Variants in SGCD observed in about 807,000 individuals in gnomAD.
SGCD encodes the protein sarcoglycan delta.
A neutral mutation model predicts 36.6 loss-of-function variants in SGCD; 18 were observed. That is an observed-to-expected ratio of 0.49 (90% CI 0.34 to 0.73). SGCD has a LOEUF of 0.73. Ranked by LOEUF, SGCD falls within the 30% of genes least tolerant of loss-of-function variation. SGCD has a pLI of 0.01. For missense variants in SGCD, 387 were observed against 346.7 expected, an observed-to-expected ratio of 1.12 and a Z score of -0.92; for synonymous variants, 133 against 130.6, an observed-to-expected ratio of 1.02 and a Z score of -0.12.
At chr5:156,190,680 A>C (rs1763869052) in intron 3 of SGCD, among the ~76,000 whole-genome samples, 1 of 152,128 alleles carries the variant, frequency 6.6e-6, no homozygotes, top group South Asian at 2.1e-4. Context: ...CGTAATTACT[A>C]AGTAAGTTGT....
At position 156,329,586 on chromosome 5, in the gene SGCD, A is replaced by G. The variant is rs1561622931; in HGVS notation, c.3+7A>G. The G allele has an allele frequency of 6.2e-7, 1 of 1,612,846 alleles. No individual in the cohort carries two copies. Among genetic ancestry groups the G allele is most frequent in the Middle Eastern group, 1.7e-4 (1 of 6,060 alleles). ...AAGGGACCAGGTGGAGATGGTGAGT[A>G]ATTCCCGGGAGCGAAGCTTGTTCAA... On this transcript the variant is annotated splice_region_variant and intron_variant, in intron 2 of 8. Coordinates refer to ENST00000337851, the MANE Select transcript of SGCD (RefSeq NM_000337.6).
intron 6 of SGCD, among the ~76,000 whole-genome samples, chr5:156,603,414 C>CT (rs1761281562): frequency 6.6e-6 from 1 of 151,864 alleles, no homozygotes; most frequent in Non-Finnish European, 1.5e-5. Context: ...ACTATAATCT[C>CT]TTTTTTAATT....
chr5:155,973,422 C>G (rs1304089929), intron 1 of SGCD, among the ~76,000 whole-genome samples: 1 of 152,156 alleles, frequency 6.6e-6, no homozygotes, highest in Middle Eastern at 3.2e-3. Flanking sequence ...CAAGTGTTAA[C>G]TTCTTAGAAA....
chr5:156,588,962 G>T (rs1760604624), intron 4 of SGCD, among the ~76,000 whole-genome samples: 1 of 151,150 alleles, frequency 6.6e-6, no homozygotes, highest in East Asian at 1.9e-4. Flanking sequence ...CCATAATAAT[G>T]TGTGTGTGTT....
intron 3 of SGCD, among the ~76,000 whole-genome samples, chr5:156,442,147 A>G (rs1753520761): frequency 6.6e-6 from 1 of 152,194 alleles, no homozygotes; most frequent in Admixed American, 6.5e-5. Context: ...TTGTTTTTTC[A>G]GGGCAGAGCA....
At chr5:156,323,182 C>T (rs952961937), upstream of SGCD, among the ~76,000 whole-genome samples, 1 of 152,164 alleles carries the variant, frequency 6.6e-6, no homozygotes, top group Non-Finnish European at 1.5e-5. Context: ...TTACTACCTC[C>T]AAACCTAATA....
At chr5:156,025,300 C>A (rs533948555) in intron 1 of SGCD, among the ~76,000 whole-genome samples, 5 of 152,136 alleles carry the variant, frequency 3.3e-5, no homozygotes, top group Non-Finnish European at 7.4e-5. Context: ...CATGAGTCTC[C>A]CACTCATATC....
upstream of SGCD, among the ~76,000 whole-genome samples, chr5:155,868,244 G>A (rs559086510): frequency 6.6e-6 from 1 of 151,806 alleles, no homozygotes; most frequent in African/African-American, 2.4e-5. Context: ...TAGAGACAGG[G>A]TCTTGCCATG....
the SGCD span, among the ~76,000 whole-genome samples, chr5:155,747,537 T>C: frequency 1.3e-5 from 2 of 152,226 alleles, no homozygotes; most frequent in African/African-American, 4.8e-5. Context: ...TTCTCACTTA[T>C]GAAGTCAGTC....
intron 3 of SGCD, among the ~76,000 whole-genome samples, chr5:156,384,953 G>A (rs1367400573): frequency 6.6e-6 from 1 of 152,174 alleles, no homozygotes; most frequent in Non-Finnish European, 1.5e-5. Flanking sequence ...GACTCAGGCA[G>A]GAGAGATGGC....
At chr5:156,137,978 G>T (rs75721317) in intron 3 of SGCD, among the ~76,000 whole-genome samples, 3,057 of 152,220 alleles carry the variant, frequency 0.02, 45 homozygotes, top group Non-Finnish European at 0.034. Context: ...TCTGAATTTT[G>T]ACAAAGGTAT....
At chr5:156,401,171 A>T (rs1368540744) in intron 3 of SGCD, among the ~76,000 whole-genome samples, 1 of 152,238 alleles carries the variant, frequency 6.6e-6, no homozygotes, top group Non-Finnish European at 1.5e-5. Flanking sequence ...GCAAACAGAA[A>T]TTGAGATTCC....
At chr5:155,808,356 A>C in the SGCD span, among the ~76,000 whole-genome samples, 9 of 152,228 alleles carry the variant, frequency 5.9e-5, no homozygotes, top group Admixed American at 4.6e-4. Flanking sequence ...GGTGCTGGAC[A>C]GTAACTCAAT....
At chr5:156,174,842 A>G (rs912100788) in intron 3 of SGCD, among the ~76,000 whole-genome samples, 16 of 152,248 alleles carry the variant, frequency 1.1e-4, no homozygotes, top group African/African-American at 3.6e-4. Context: ...GGTTGAGGCT[A>G]TAAGAACAGA....
At chr5:155,894,662 T>C (rs1042282230) in intron 1 of SGCD, among the ~76,000 whole-genome samples, 3 of 152,100 alleles carry the variant, frequency 2.0e-5, no homozygotes, top group Non-Finnish European at 4.4e-5. Flanking sequence ...CAAAGGAACA[T>C]GAACTCTATT....
chr5:155,869,955 C>T (rs1006916593), upstream of SGCD, among the ~76,000 whole-genome samples: 3 of 152,226 alleles, frequency 2.0e-5, no homozygotes, highest in Non-Finnish European at 4.4e-5. Flanking sequence ...AGATCAAGAT[C>T]GCACTACTGC....
chr5:156,643,869 C>A (rs1427737775), intron 6 of SGCD, among the ~76,000 whole-genome samples: 1 of 152,076 alleles, frequency 6.6e-6, no homozygotes, highest in Non-Finnish European at 1.5e-5. Context: ...AGAAAACTGA[C>A]GTTTTTACCT....
chr5:156,354,539 C>T (rs1769410659), intron 3 of SGCD, among the ~76,000 whole-genome samples: 1 of 152,156 alleles, frequency 6.6e-6, no homozygotes, highest in Admixed American at 6.5e-5. Context: ...GTGACCTTTT[C>T]CACTTACGAG....
At chr5:156,126,309 C>T (rs965517374) in intron 3 of SGCD, among the ~76,000 whole-genome samples, 2 of 152,094 alleles carry the variant, frequency 1.3e-5, no homozygotes, top group African/African-American at 2.4e-5. Context: ...TTGAGAGTAT[C>T]GAACTTTAAT....
Sources: gnomAD v4.1 joint callset for allele counts (sites outside exome capture counted in the v4.1 genomes callset) on GRCh38, gnomAD v4.1.1 for gene constraint, MANE v1.5 for transcripts, NCBI Gene and HGNC (gene_info 2026-07-23, HGNC 2026-07-21) for gene names.